The following CLMP variants were observed in gnomAD, a reference collection of about 807,000 sequenced individuals.
CLMP encodes the protein CXADR-like membrane protein.
Under a neutral mutation model 45.2 loss-of-function variants are expected in CLMP, and 27 were observed. That is an observed-to-expected ratio of 0.60 (90% CI 0.44 to 0.82). The LOEUF (loss-of-function observed/expected upper bound fraction) is 0.82. Ranked by LOEUF, CLMP falls within the 40% of genes least tolerant of loss-of-function variation. The pLI, the probability that CLMP is intolerant of heterozygous loss-of-function variation, is 0.00. For missense variants in CLMP, 403 were observed against 448.4 expected (o/e 0.90, Z 0.91); for synonymous variants, 167 against 171.4 (o/e 0.97, Z 0.20).
At chr11:123,074,880 A>G (rs1295442960) in intron 5 of CLMP, 37 bp from the exon 6 acceptor site, 2 of 1,601,588 alleles carry the variant, frequency 1.2e-6, no homozygotes, top group Non-Finnish European at 1.7e-6. Context: ...GTAAAACCAA[A>G]CGTAAGCTAG....
chr11:123,128,885 ATAGGTATGATTTTTATTCCCATTT>A (rs1860940396), intron 1 of CLMP, among the ~76,000 whole-genome samples: 1 of 152,104 alleles, frequency 6.6e-6, no homozygotes, highest in Admixed American at 6.6e-5. Flanking sequence ...ACCCCATACA[ATAGGTATGATTTTTATTCCCATTT>A]TATAGATGAT....
chr11:123,125,613 C>CT (rs199896015), intron 1 of CLMP, among the ~76,000 whole-genome samples: 22,727 of 129,472 alleles, frequency 0.18, 2,187 homozygotes, highest in Non-Finnish European at 0.22. Flanking sequence ...TTCTTTCTTT[C>CT]TTTTTTTTGA....
At chr11:123,192,768 C>T (rs1476741750) in intron 1 of CLMP, among the ~76,000 whole-genome samples, 1 of 151,750 alleles carries the variant, frequency 6.6e-6, no homozygotes, top group East Asian at 1.9e-4. Flanking sequence ...ACCCTCCCAG[C>T]CCCTGTTTGA....
intron 1 of CLMP, among the ~76,000 whole-genome samples, chr11:123,164,582 A>G (rs1591483464): frequency 6.7e-6 from 1 of 150,348 alleles, no homozygotes; most frequent in Non-Finnish European, 1.5e-5. Context: ...GGAGTTAAAG[A>G]TGTGAGCCAC....
At chr11:123,132,513 C>T (rs1187626930) in intron 1 of CLMP, among the ~76,000 whole-genome samples, 1 of 152,014 alleles carries the variant, frequency 6.6e-6, no homozygotes, top group African/African-American at 2.4e-5. Flanking sequence ...GGCTGGAGTG[C>T]AGTGGTGCAA....
intron 1 of CLMP, among the ~76,000 whole-genome samples, chr11:123,178,821 T>C (rs750589567): frequency 1.3e-4 from 20 of 152,230 alleles, no homozygotes; most frequent in Non-Finnish European, 2.6e-4. Context: ...GGGCAAGTCA[T>C]TTAAATCCTC....
chr11:123,128,091 T>A (rs903849162), intron 1 of CLMP, among the ~76,000 whole-genome samples: 3 of 143,770 alleles, frequency 2.1e-5, no homozygotes, highest in Non-Finnish European at 4.6e-5. Context: ...ATCCTCAGAA[T>A]ATAAGGTTGG....
intron 1 of CLMP, among the ~76,000 whole-genome samples, chr11:123,153,941 C>T (rs1406433456): frequency 6.6e-6 from 1 of 151,908 alleles, no homozygotes; most frequent in Non-Finnish European, 1.5e-5. Context: ...CTGCCTCAAC[C>T]TCCCAAAGTG....
intron 5 of CLMP, among the ~76,000 whole-genome samples, chr11:123,078,117 A>G (rs11218957): frequency 0.021 from 3,136 of 151,696 alleles, 100 homozygotes; most frequent in East Asian, 0.17. Flanking sequence ...AAAAAAAAAG[A>G]AAAAAAAATC....
chr11:123,105,291 A>G (rs1565383443), intron 1 of CLMP, among the ~76,000 whole-genome samples: 1 of 152,228 alleles, frequency 6.6e-6, no homozygotes, highest in East Asian at 1.9e-4. Flanking sequence ...TGCTGCCTAC[A>G]CTCAATTAAG....
At chr11:123,108,193 C>T (rs560424615) in intron 1 of CLMP, among the ~76,000 whole-genome samples, 2 of 152,236 alleles carry the variant, frequency 1.3e-5, no homozygotes, top group African/African-American at 4.8e-5. Context: ...CAGCCCAACC[C>T]CAGAACCTCT....
chr11:123,074,652 G>T, intron 6 of CLMP, 50 bp downstream of exon 6: 1 of 1,577,782 alleles, frequency 6.3e-7, no homozygotes, highest in Non-Finnish European at 8.7e-7. Flanking sequence ...TCACTATAGT[G>T]CTGGCCCTAA....
chr11:123,081,975 T>C (rs184550174), intron 5 of CLMP, among the ~76,000 whole-genome samples: 105 of 152,362 alleles, frequency 6.9e-4, no homozygotes, highest in African/African-American at 2.5e-3. Context: ...GTAGCTGTGA[T>C]TGAAATCCAG....
chr11:123,129,656 A>G (rs1354622980), intron 1 of CLMP, among the ~76,000 whole-genome samples: 1 of 141,166 alleles, frequency 7.1e-6, no homozygotes, highest in Admixed American at 7.6e-5. Context: ...ATAGTTCAGT[A>G]TATAAATTTT....
In CLMP at chr11:123,083,154, C is replaced by A; in HGVS notation, c.610G>T (p.Gly204Ter). ...LLQNLTMSYS[G>*]LYQCTAGNEA... ...TTGCCTGCTGTGCACTGGTACAGTC[C>A]AGAGTAGGACATGGTAAGATTCTGC... The change falls in exon 5 of 7, where the codon GGA (glycine) becomes TGA (stop). Residue 204 changes from glycine (G) to a stop codon, truncating the protein, a stop_gained. Transcript: ENST00000448775. LOFTEE classifies it high-confidence loss of function. The A allele has an allele frequency of 1.2e-6, 2 of 1,614,132 alleles. No homozygotes were observed. Among genetic ancestry groups the A allele is most frequent in the Non-Finnish European group, 1.7e-6 (2 of 1,180,028 alleles).
At chr11:123,185,066 G>T (rs1027979197) in intron 1 of CLMP, among the ~76,000 whole-genome samples, 10 of 152,182 alleles carry the variant, frequency 6.6e-5, no homozygotes, top group Non-Finnish European at 1.5e-4. Flanking sequence ...GGATGGGAGG[G>T]AGCTGGTCAG....
intron 1 of CLMP, among the ~76,000 whole-genome samples, chr11:123,150,399 A>G (rs1861297022): frequency 7.2e-6 from 1 of 139,414 alleles, no homozygotes; most frequent in South Asian, 2.4e-4. Flanking sequence ...AAAGATGAAC[A>G]AAAGAAGGAA....
chr11:123,099,984 A>G (rs981993781), intron 1 of CLMP, among the ~76,000 whole-genome samples: 1 of 152,230 alleles, frequency 6.6e-6, no homozygotes, highest in East Asian at 1.9e-4. Flanking sequence ...AGGCAGTAAA[A>G]AGCAAATGAT....
intron 1 of CLMP, among the ~76,000 whole-genome samples, chr11:123,153,725 C>T (rs1861372814): frequency 6.6e-6 from 1 of 152,112 alleles, no homozygotes; most frequent in African/African-American, 2.4e-5. Context: ...CTTTGTCCCC[C>T]AGGCTGGAGT....
Sources: gnomAD v4.1 joint callset for allele counts (sites outside exome capture counted in the v4.1 genomes callset) on GRCh38, gnomAD v4.1.1 for gene constraint, MANE v1.5 for transcripts, NCBI Gene and HGNC (gene_info 2026-07-23, HGNC 2026-07-21) for gene names.